Variants in C10orf90 observed in about 807,000 individuals in gnomAD.
C10orf90 encodes chromosome 10 open reading frame 90.
A neutral mutation model predicts 62.5 loss-of-function variants in C10orf90; 56 were observed. That is an observed-to-expected ratio of 0.90 (90% confidence interval 0.72 to 1.12). The LOEUF is 1.12. Ranked by LOEUF, C10orf90 falls within the 50% of genes most tolerant of loss-of-function variation. The pLI is 0.00. For synonymous variants in C10orf90, 386 were observed against 340.4 expected, an observed-to-expected ratio of 1.13 and a Z score of -1.47; for missense variants, 970 against 880.4, an observed-to-expected ratio of 1.10 and a Z score of -1.29.
chr10:126,460,950 G>A (rs910109993), intron 6 of C10orf90, among the ~76,000 whole-genome samples: 2 of 152,124 alleles, frequency 1.3e-5, no homozygotes, highest in African/African-American at 4.8e-5. Context: ...GGGAAAAGAT[G>A]CCAAACTAAA....
chr10:126,508,075 A>C (rs1302135277), intron 3 of C10orf90, among the ~76,000 whole-genome samples: 1 of 151,298 alleles, frequency 6.6e-6, no homozygotes, highest in Admixed American at 6.6e-5. Context: ...ACTGCAGTAT[A>C]GGTCTTATTT....
At chr10:126,635,790 A>G (rs1845939655) in intron 2 of C10orf90, among the ~76,000 whole-genome samples, 1 of 152,156 alleles carries the variant, frequency 6.6e-6, no homozygotes. Context: ...TCTGTTATAT[A>G]ACCTGGCCTC....
Position 126,534,686 on chromosome 10 carries a change from C to T in C10orf90, c.314-20747G>A, listed in dbSNP as rs1864187743. On this transcript the variant is annotated intron_variant, in intron 2 of 9. Coordinates refer to ENST00000488181, the MANE Select transcript of C10orf90 (RefSeq NM_001350921.2). ...TTGGGTCCGGGCCACCTTCATTTTT[C>T]TACTCCGTATGTCAGAATTCTAGAA... Among the ~76,000 whole-genome samples, 4 of 152,196 alleles carry T rather than the reference C, an allele frequency of 2.6e-5. No homozygotes were observed. In the South Asian group the frequency reaches 8.3e-4, roughly 31 times the overall value.
intron 2 of C10orf90, among the ~76,000 whole-genome samples, chr10:126,541,383 A>C (rs1158617448): frequency 6.6e-6 from 1 of 152,224 alleles, no homozygotes; most frequent in Non-Finnish European, 1.5e-5. Flanking sequence ...ATGTACATCA[A>C]AGGGCATCAT....
chr10:126,615,608 C>G (rs1238057886), intron 2 of C10orf90, among the ~76,000 whole-genome samples: 1 of 151,994 alleles, frequency 6.6e-6, no homozygotes, highest in Non-Finnish European at 1.5e-5. Flanking sequence ...ATGTTTTACC[C>G]CCCTAAGCTT....
At chr10:126,519,048 T>C (rs1390317736) in intron 2 of C10orf90, among the ~76,000 whole-genome samples, 3 of 152,098 alleles carry the variant, frequency 2.0e-5, no homozygotes, top group African/African-American at 7.2e-5. Context: ...GGCTTTGCTA[T>C]CCCCAGCCTT....
chr10:126,452,390 T>G (rs1165936356), intron 7 of C10orf90, among the ~76,000 whole-genome samples: 1 of 152,182 alleles, frequency 6.6e-6, no homozygotes, highest in Non-Finnish European at 1.5e-5. Context: ...CCCAGCATTT[T>G]TTAGAGAACC....
rs1000058294 is a variant in C10orf90 at position 126,429,854 on chromosome 10, G to GA, written c.2189-5dup. The GA allele has an allele frequency of 6.2e-7, 1 of 1,611,958 alleles. No homozygotes were observed. The highest frequency in any genetic ancestry group is 8.5e-7 in the Non-Finnish European group (1 of 1,178,238). The stretch of plus-strand genomic sequence containing the variant: ...TCTTTGGGTTTGAACAAGTTATCTG[G>GA]AAAAAATAGAAAGAGAATTAAGTTC... On this transcript the variant is annotated splice_region_variant and splice_polypyrimidine_tract_variant and intron_variant, in intron 7 of 9. Coordinates refer to ENST00000488181, the MANE Select transcript of C10orf90 (RefSeq NM_001350921.2).
chr10:126,529,926 C>T, intron 2 of C10orf90, among the ~76,000 whole-genome samples: 1 of 152,096 alleles, frequency 6.6e-6, no homozygotes. Flanking sequence ...TAAAAAGCTG[C>T]TAATTATACT....
intron 2 of C10orf90, among the ~76,000 whole-genome samples, chr10:126,543,484 G>A (rs747799504): frequency 4.6e-5 from 7 of 152,168 alleles, no homozygotes; most frequent in Admixed American, 2.0e-4. Context: ...GGTAATTCAG[G>A]ACAATTTTTC....
chr10:126,582,800 C>A (rs529279145), intron 2 of C10orf90, among the ~76,000 whole-genome samples: 1 of 152,306 alleles, frequency 6.6e-6, no homozygotes, highest in African/African-American at 2.4e-5. Context: ...CTCAAGGACT[C>A]AGACAAAAGC....
intron 1 of C10orf90, among the ~76,000 whole-genome samples, chr10:126,663,223 G>T (rs1216596431): frequency 6.6e-6 from 1 of 152,178 alleles, no homozygotes; most frequent in Non-Finnish European, 1.5e-5. Flanking sequence ...AAGAGCACCC[G>T]ATTTAGAGGG....
At chr10:126,564,998 A>ATATAATATATAAAATATATATTATATAT (rs1844295100) in intron 2 of C10orf90, among the ~76,000 whole-genome samples, 1 of 7,948 alleles carries the variant, frequency 1.3e-4, no homozygotes, top group Non-Finnish European at 2.8e-4. Context: ...AATATATATT[A>ATATAATATATAAAATATATATTATATAT]TATATAATAT....
At chr10:126,531,683 T>C (rs544564581) in intron 2 of C10orf90, among the ~76,000 whole-genome samples, 1 of 152,246 alleles carries the variant, frequency 6.6e-6, no homozygotes, top group African/African-American at 2.4e-5. Flanking sequence ...ATAAGGCTTT[T>C]AGAAGAAAAT....
chr10:126,590,662 A>G (rs1490646722), intron 2 of C10orf90, among the ~76,000 whole-genome samples: 2 of 152,190 alleles, frequency 1.3e-5, no homozygotes, highest in African/African-American at 4.8e-5. Flanking sequence ...ACAACATACC[A>G]GAATCTCGGA....
chr10:126,442,633 G>GTATATATATATA (rs56368633), intron 7 of C10orf90, among the ~76,000 whole-genome samples: 20 of 88,452 alleles, frequency 2.3e-4, no homozygotes, highest in African/African-American at 4.8e-4. Flanking sequence ...TTGTGTGTGT[G>GTATATATATATA]TATATATATA....
chr10:126,626,462 C>A (rs529855099), intron 2 of C10orf90, among the ~76,000 whole-genome samples: 8 of 152,278 alleles, frequency 5.3e-5, no homozygotes, highest in Non-Finnish European at 1.0e-4. Context: ...GGGTACCAGA[C>A]GCTTGGGGTC....
intron 2 of C10orf90, among the ~76,000 whole-genome samples, chr10:126,561,298 C>A (rs991999012): frequency 6.6e-6 from 1 of 152,200 alleles, no homozygotes; most frequent in Admixed American, 6.5e-5. Flanking sequence ...GCACTGCTGA[C>A]TGCTTCTGCT....
chr10:126,501,698 T>A (rs1862390773), intron 4 of C10orf90, among the ~76,000 whole-genome samples: 1 of 152,116 alleles, frequency 6.6e-6, no homozygotes, highest in African/African-American at 2.4e-5. Context: ...TTCTTCCAAA[T>A]GTGGTCTATA....
Sources: gnomAD v4.1 joint callset for allele counts (sites outside exome capture counted in the v4.1 genomes callset) on GRCh38, gnomAD v4.1.1 for gene constraint, MANE v1.5 for transcripts, NCBI Gene and HGNC (gene_info 2026-07-23, HGNC 2026-07-21) for gene names.